The following SPEF2 variants were observed in gnomAD, a reference collection of about 807,000 sequenced individuals.
The protein encoded by SPEF2 is sperm flagellar and cilia associated 2.
Under a neutral mutation model 224.6 loss-of-function variants are expected in SPEF2, and 187 were observed. The ratio of observed to expected loss-of-function variants is 0.83; its 90% CI spans 0.74 to 0.94. SPEF2 has a LOEUF of 0.94. Among genes scored for constraint, SPEF2 ranks in the 40% least tolerant of loss-of-function variants. The pLI, the probability that SPEF2 is intolerant of heterozygous loss-of-function variation, is 0.00. For synonymous variants in SPEF2, 715 were observed against 707.3 expected (o/e 1.01, Z -0.17); for missense variants, 2,170 against 2,135.6 (o/e 1.02, Z -0.32).
chr5:35,736,921 AT>A (rs554239587), intron 21 of SPEF2, among the ~76,000 whole-genome samples: 694 of 31,170 alleles, frequency 0.022, 6 homozygotes, highest in African/African-American at 0.053. Flanking sequence ...ATCCAAAAAA[AT>A]AAAAAAAAAC....
chr5:35,651,655 G>T (rs1389871394), intron 6 of SPEF2, among the ~76,000 whole-genome samples: 2 of 152,106 alleles, frequency 1.3e-5, no homozygotes, highest in Admixed American at 1.3e-4. Flanking sequence ...TCTTAGCTTA[G>T]AATCAAGAAT....
intron 19 of SPEF2, among the ~76,000 whole-genome samples, chr5:35,711,998 T>C (rs1741244388): frequency 1.3e-5 from 2 of 152,130 alleles, no homozygotes; most frequent in African/African-American, 4.8e-5. Flanking sequence ...AACTCATTAA[T>C]TGGGGCATCT....
At position 35,664,715 on chromosome 5, in the gene SPEF2, AGAGGGAGG is replaced by A. The variant is rs1174378781; in HGVS notation, c.1168-2353_1168-2346del. On this transcript the variant is annotated intron_variant, in intron 8 of 36. Transcript: ENST00000356031. ...AGGGAAAGAAGAGAGAGAGAGAGAG[AGAGGGAGG>A]GAGAGAGAGGGAGAGGGAGAGAGAG... 8.6e-3 allele frequency among the ~76,000 whole-genome samples: 1,226 copies of A among 142,932 alleles called. 16 individuals carry two copies. Among genetic ancestry groups the A allele is most frequent in the African/African-American group, 0.031 (1,196 of 38,784 alleles). The allele number at this position is 142,932 out of a possible 152,430, so 93.8% of individuals were successfully genotyped here. A position where few individuals can be genotyped will look rare whatever the true frequency, so the allele number is the denominator to read the frequency against.
rs1291040502 is a variant in SPEF2, at chr5:35,648,806, G to A, written c.727-555G>A. On this transcript the variant is annotated intron_variant, in intron 5 of 36. Transcript: ENST00000356031. ...AGGCGGGAGGATCACCTGAGGTCAG[G>A]AGTTTGAGGCCACCCTTGTCAACCT... is the stretch of plus-strand genomic sequence containing the variant. Among the ~76,000 whole-genome samples, 4 of 152,160 alleles carry A rather than the reference G, an allele frequency of 2.6e-5. No homozygotes were observed. The South Asian group carries it at 8.3e-4, about 32-fold the overall frequency.
chr5:35,676,371 T>G (rs1172486303), intron 10 of SPEF2, among the ~76,000 whole-genome samples: 1 of 152,158 alleles, frequency 6.6e-6, no homozygotes, highest in Admixed American at 6.5e-5. Context: ...AAGCCCACTT[T>G]CCATTCAATC....
chr5:35,686,071 C>T (rs1162742599), intron 10 of SPEF2, among the ~76,000 whole-genome samples: 1 of 152,014 alleles, frequency 6.6e-6, no homozygotes, highest in Non-Finnish European at 1.5e-5. Context: ...GATCTTTGGA[C>T]TGAAAAGACT....
At chr5:35,791,898 T>G (rs903830364) in intron 30 of SPEF2, among the ~76,000 whole-genome samples, 1 of 152,152 alleles carries the variant, frequency 6.6e-6, no homozygotes, top group African/African-American at 2.4e-5. Context: ...TGGATAAATG[T>G]ATTACCTTGA....
intron 23 of SPEF2, among the ~76,000 whole-genome samples, chr5:35,744,874 A>G (rs1344672746): frequency 6.6e-6 from 1 of 152,166 alleles, no homozygotes; most frequent in Non-Finnish European, 1.5e-5. Context: ...CTCCAGATCA[A>G]CTGCAAGAAC....
intron 2 of SPEF2, among the ~76,000 whole-genome samples, chr5:35,629,330 A>AT (rs1419907919): frequency 2.0e-5 from 3 of 148,128 alleles, no homozygotes; most frequent in Non-Finnish European, 3.0e-5. Context: ...TTTTTTTTCT[A>AT]TTTTTTTTAG....
At chr5:35,646,495 C>A in intron 4 of SPEF2, 172 bp from the exon 5 acceptor site, 2 of 509,034 alleles carry the variant, frequency 3.9e-6, no homozygotes, top group Non-Finnish European at 3.4e-6. Flanking sequence ...CACAGTAAGT[C>A]ATATTAACAC....
intron 20 of SPEF2, among the ~76,000 whole-genome samples, chr5:35,717,728 C>A (rs1580429385): frequency 6.6e-6 from 1 of 152,138 alleles, no homozygotes; most frequent in Non-Finnish European, 1.5e-5. Flanking sequence ...GGCTCCTCCC[C>A]ACCGCAAATG....
intron 27 of SPEF2, among the ~76,000 whole-genome samples, 174 bp downstream of exon 27, chr5:35,771,930 A>G (rs1752912480): frequency 6.6e-6 from 1 of 151,382 alleles, no homozygotes; most frequent in African/African-American, 2.4e-5. Context: ...ATCATATTGC[A>G]TACCAAGCCC....
At chr5:35,712,670 A>G in intron 19 of SPEF2, 142 bp from the exon 20 acceptor site, 1 of 713,382 alleles carries the variant, frequency 1.4e-6, no homozygotes, top group African/African-American at 1.8e-5. Flanking sequence ...ATTTTAACTC[A>G]AAGTAAAAAC....
chr5:35,659,322 A>G (rs1406245083), intron 8 of SPEF2, 115 bp downstream of exon 8: 6 of 1,033,168 alleles, frequency 5.8e-6, no homozygotes, highest in Non-Finnish European at 5.5e-6. Context: ...TTTCTTTTGT[A>G]TGATCAACCT....
chr5:35,750,670 CCAT>C (rs1749268525), intron 23 of SPEF2, among the ~76,000 whole-genome samples: 5 of 151,668 alleles, frequency 3.3e-5, no homozygotes, highest in Admixed American at 6.6e-5. Flanking sequence ...GCAAGAATGG[CCAT>C]AATGAAAAAA....
intron 15 of SPEF2, 27 bp downstream of exon 15, chr5:35,697,820 A>T (rs775370735): frequency 7.4e-6 from 11 of 1,490,650 alleles, no homozygotes; most frequent in African/African-American, 2.8e-5. Flanking sequence ...TCTTCCTCTC[A>T]TCTATTTAAT....
At chr5:35,694,154 T>C (rs1754937553) in intron 12 of SPEF2, 134 bp from the exon 13 acceptor site, 1 of 683,780 alleles carries the variant, frequency 1.5e-6, no homozygotes, top group Non-Finnish European at 2.5e-6. Context: ...TTTAATCTCC[T>C]TTAAAATCAT....
chr5:35,687,090 G>GA (rs1753741710), intron 10 of SPEF2, among the ~76,000 whole-genome samples: 1 of 152,052 alleles, frequency 6.6e-6, no homozygotes, highest in Non-Finnish European at 1.5e-5. Context: ...CCCAAATTTT[G>GA]ATGCTGTTAG....
At chr5:35,727,594 GT>G in intron 20 of SPEF2, 80 bp from the exon 21 acceptor site, 1 of 1,207,258 alleles carries the variant, frequency 8.3e-7, no homozygotes, top group South Asian at 1.5e-5. Context: ...GAAGTCCATG[GT>G]AATTATAGAT....
Sources: allele counts gnomAD v4.1 joint callset (sites outside exome capture counted in the v4.1 genomes callset), GRCh38; gene constraint gnomAD v4.1.1; transcripts MANE v1.5; gene names NCBI Gene and HGNC (gene_info 2026-07-23, HGNC 2026-07-21).